Variants in GPR158 observed in about 807,000 individuals in gnomAD.
GPR158 encodes metabotropic glycine receptor.
Under a neutral mutation model 78.2 loss-of-function variants are expected in GPR158, and 30 were observed. That is an observed-to-expected ratio of 0.38 (90% CI 0.29 to 0.52). GPR158 has a LOEUF of 0.52. Ranked by LOEUF, GPR158 falls within the 20% of genes least tolerant of loss-of-function variation. The probability of loss-of-function intolerance (pLI) is 0.83; values close to 1 mark genes in which losing one functional copy is unlikely to be tolerated. For synonymous variants in GPR158, 581 were observed against 591.1 expected (o/e 0.98, Z 0.25); for missense variants, 1,463 against 1,523.5 (o/e 0.96, Z 0.66).
intron 6 of GPR158, among the ~76,000 whole-genome samples, chr10:25,556,122 A>G (rs1397086662): frequency 6.6e-6 from 1 of 152,210 alleles, no homozygotes; most frequent in Non-Finnish European, 1.5e-5. Flanking sequence ...CCTGAAGTGC[A>G]GTTATTCGAC....
At chr10:25,269,967 A>C (rs1854095459) in intron 2 of GPR158, among the ~76,000 whole-genome samples, 1 of 152,174 alleles carries the variant, frequency 6.6e-6, no homozygotes, top group Non-Finnish European at 1.5e-5. Context: ...TATAATCTTA[A>C]AGCCTGGACT....
chr10:25,319,829 C>CA (rs953791576), intron 2 of GPR158, among the ~76,000 whole-genome samples: 4 of 144,608 alleles, frequency 2.8e-5, no homozygotes, highest in Admixed American at 6.8e-5. Flanking sequence ...CCCACCCCCC[C>CA]CAAAAAAAAA....
chr10:25,322,911 A>C (rs148489857), intron 2 of GPR158, among the ~76,000 whole-genome samples: 2,328 of 152,084 alleles, frequency 0.015, 69 homozygotes, highest in African/African-American at 0.053. Context: ...CAGTGGTGCT[A>C]TCTTGGCTCA....
Position 25,598,876 on chromosome 10 carries a change from G to T in GPR158, c.3250G>T (p.Asp1084Tyr), listed in dbSNP as rs1247600293. ...WESQGQSILEDEKLLISKTPV... is the reference protein window; with the variant it reads ...WESQGQSILEYEKLLISKTPV... The stretch of plus-strand genomic sequence containing the variant: ...GAGCCAAGGCCAGTCCATTTTGGAA[G>T]ATGAGAAGCTTTTGATTTCCAAGAC... The change falls in exon 11 of 11, where the codon GAT becomes TAT. Residue 1084 changes from aspartate (D) to tyrosine (Y), a missense_variant. By Grantham distance (160) the Asp-to-Tyr change is radical (BLOSUM62 -3). Transcript: ENST00000376351. 6.2e-7 allele frequency: 1 copy of T among 1,614,122 alleles called. No individual in the cohort carries two copies. The highest frequency in any genetic ancestry group is 2.2e-5 in the East Asian group (1 of 44,868).
intron 2 of GPR158, among the ~76,000 whole-genome samples, chr10:25,266,571 C>CT (rs1218947286): frequency 3.3e-5 from 5 of 151,900 alleles, no homozygotes; most frequent in Middle Eastern, 3.2e-3. Context: ...TTTCTATTGT[C>CT]TTTTTTTACA....
chr10:25,229,275 TC>T (rs1167253838), intron 2 of GPR158, among the ~76,000 whole-genome samples: 1 of 152,224 alleles, frequency 6.6e-6, no homozygotes, highest in East Asian at 1.9e-4. Flanking sequence ...ATTTAGGGAC[TC>T]CCTTTTCCTT....
At chr10:25,471,020 A>T (rs1835491925) in intron 5 of GPR158, among the ~76,000 whole-genome samples, 1 of 152,054 alleles carries the variant, frequency 6.6e-6, no homozygotes, top group Admixed American at 6.6e-5. Context: ...CAGGATTGTT[A>T]CATATGTATA....
At position 25,341,895 on chromosome 10, in the gene GPR158, C is replaced by G. The variant is rs75468538; in HGVS notation, c.1009-54016C>G. ...AATGAAAATCTAAGAATATGAAGGACTCACTTTCTGGTCCCACCTCACCAC... is the reference window on the plus strand; with the variant it reads ...AATGAAAATCTAAGAATATGAAGGAGTCACTTTCTGGTCCCACCTCACCAC... On this transcript the variant is annotated intron_variant, in intron 2 of 10. Coordinates refer to ENST00000376351, the MANE Select transcript of GPR158 (RefSeq NM_020752.3). Among the ~76,000 whole-genome samples the G allele has an allele frequency of 5.8e-3, 882 of 151,842 alleles. 11 individuals carry two copies. Among genetic ancestry groups the G allele is most frequent in the African/African-American group, 0.02 (839 of 41,472 alleles).
chr10:25,204,818 G>GTTTTTTT (rs1159106958), intron 1 of GPR158, among the ~76,000 whole-genome samples: 11 of 118,938 alleles, frequency 9.2e-5, no homozygotes, highest in African/African-American at 3.1e-4. Flanking sequence ...GTCTCTGAGG[G>GTTTTTTT]TTTTTTTTTT....
chr10:25,381,366 TA>T (rs1834152667), intron 2 of GPR158, among the ~76,000 whole-genome samples: 1 of 152,200 alleles, frequency 6.6e-6, no homozygotes, highest in African/African-American at 2.4e-5. Flanking sequence ...TGAGCATAGA[TA>T]AATCCTTCAA....
chr10:25,223,070 G>C (rs979068874), intron 2 of GPR158, among the ~76,000 whole-genome samples: 1 of 151,952 alleles, frequency 6.6e-6, no homozygotes, highest in Non-Finnish European at 1.5e-5. Flanking sequence ...AAATAAACTA[G>C]GTTATTTCAA....
At chr10:25,247,169 G>A (rs1420768259) in intron 2 of GPR158, among the ~76,000 whole-genome samples, 1 of 152,144 alleles carries the variant, frequency 6.6e-6, no homozygotes, top group African/African-American at 2.4e-5. Flanking sequence ...ATCCCATTGA[G>A]ATGACAGTCT....
chr10:25,284,852 T>C (rs1308392021), intron 2 of GPR158, among the ~76,000 whole-genome samples: 1 of 152,136 alleles, frequency 6.6e-6, no homozygotes. Context: ...TAAAATAATA[T>C]ACTGTTTCAA....
intron 2 of GPR158, among the ~76,000 whole-genome samples, chr10:25,240,351 A>G (rs1354242503): frequency 6.6e-6 from 1 of 152,198 alleles, no homozygotes; most frequent in African/African-American, 2.4e-5. Flanking sequence ...TCTACTGAAA[A>G]TACAAAAATT....
At chr10:25,462,601 C>G (rs947981429) in intron 4 of GPR158, among the ~76,000 whole-genome samples, 1 of 152,158 alleles carries the variant, frequency 6.6e-6, no homozygotes, top group Non-Finnish European at 1.5e-5. Context: ...ATTTATGATT[C>G]ATGGGAGATC....
At chr10:25,397,886 A>G (rs1834383536) in intron 3 of GPR158, among the ~76,000 whole-genome samples, 2 of 152,146 alleles carry the variant, frequency 1.3e-5, no homozygotes, top group Admixed American at 6.6e-5. Context: ...TATTTTATCT[A>G]AGACTCCATC....
chr10:25,460,017 A>G (rs970835519), intron 4 of GPR158, among the ~76,000 whole-genome samples: 6 of 152,148 alleles, frequency 3.9e-5, no homozygotes, highest in African/African-American at 1.4e-4. Flanking sequence ...GTTAGGCTCA[A>G]TGATAACTCC....
chr10:25,220,377 A>G (rs1336141018), intron 1 of GPR158, among the ~76,000 whole-genome samples: 2 of 152,184 alleles, frequency 1.3e-5, no homozygotes, highest in Non-Finnish European at 2.9e-5. Context: ...TTTCTTTGCA[A>G]TTTAGCTTTT....
At chr10:25,418,116 A>T (rs1252339049) in intron 4 of GPR158, among the ~76,000 whole-genome samples, 1 of 152,164 alleles carries the variant, frequency 6.6e-6, no homozygotes, top group African/African-American at 2.4e-5. Context: ...GGTAATAGAG[A>T]GTTCTCTGTT....
Sources: allele counts gnomAD v4.1 joint callset (sites outside exome capture counted in the v4.1 genomes callset), GRCh38; gene constraint gnomAD v4.1.1; transcripts MANE v1.5; gene names NCBI Gene and HGNC (gene_info 2026-07-23, HGNC 2026-07-21).